The following PPP4R2 variants were observed in gnomAD, a reference collection of about 807,000 sequenced individuals.
PPP4R2 encodes serine/threonine-protein phosphatase 4 regulatory subunit 2.
PPP4R2 carries 13 observed loss-of-function variants against 47.2 expected under a neutral mutation model. That is an observed-to-expected ratio of 0.28 (90% CI 0.18 to 0.44). The LOEUF (loss-of-function observed/expected upper bound fraction) is 0.44. Ranked by LOEUF, PPP4R2 falls within the 20% of genes least tolerant of loss-of-function variation. The pLI, the probability that PPP4R2 is intolerant of heterozygous loss-of-function variation, is 1.00. For missense variants in PPP4R2, 421 were observed against 491.2 expected (o/e 0.86, Z 1.35); for synonymous variants, 151 against 163.3 (o/e 0.92, Z 0.57).
chr3:73,045,771 C>A (rs888445829), intron 2 of PPP4R2, among the ~76,000 whole-genome samples: 23 of 152,170 alleles, frequency 1.5e-4, no homozygotes, highest in African/African-American at 5.3e-4. Context: ...AGGTGATCCG[C>A]CTGCTGGGTT....
In PPP4R2 at chr3:72,996,903, T is replaced by G. The variant is rs1464489803; in HGVS notation, c.-135T>G. The G allele has an allele frequency of 1.8e-6, 1 of 540,576 alleles. No homozygotes were observed. The highest frequency in any genetic ancestry group is 2.0e-5 in the African/African-American group (1 of 50,702). The allele number at this position is 540,576 out of a possible 1,614,324, so 33.5% of individuals were successfully genotyped here. A position where few individuals can be genotyped will look rare whatever the true frequency, so the allele number is the denominator to read the frequency against. On this transcript the variant is annotated 5_prime_UTR_variant, in exon 1 of 9. Transcript: ENST00000356692. ...CGCACGCTTCCCCCGGCTCCCTTCG[T>G]TTCCCCCCCCCGGTCGCCTGCGTGC...
chr3:73,024,743 G>A (rs1386665060), intron 2 of PPP4R2, among the ~76,000 whole-genome samples: 2 of 151,382 alleles, frequency 1.3e-5, no homozygotes, highest in African/African-American at 4.9e-5. Flanking sequence ...TTAAGATTTA[G>A]TCCCAAAATA....
intron 5 of PPP4R2, chr3:73,062,462 A>G (rs183999378): frequency 6.2e-7 from 1 of 1,612,788 alleles, no homozygotes; most frequent in East Asian, 2.2e-5. Context: ...CAAGTTTAGT[A>G]TTCTTGTGTT....
In PPP4R2 at chr3:73,065,696, A is replaced by G; in HGVS notation, c.1228A>G (p.Thr410Ala). The G allele has an allele frequency of 6.2e-7, 1 of 1,606,546 alleles. No individual in the cohort carries two copies. The highest frequency in any genetic ancestry group is 8.5e-7 in the Non-Finnish European group (1 of 1,174,320). ...MENDDEATEV[T>A]DEPMEQD ...AAATGATGACGAAGCCACAGAAGTC[A>G]CCGATGAACCAATGGAACAAGACTA... Residue 410 changes from threonine to alanine, a missense_variant, in exon 9 of 9, where the codon ACC becomes GCC. Transcript: ENST00000356692.
At chr3:73,012,203 A>G (rs1045053355) in intron 2 of PPP4R2, among the ~76,000 whole-genome samples, 2 of 152,238 alleles carry the variant, frequency 1.3e-5, no homozygotes, top group African/African-American at 4.8e-5. Context: ...ACGTAATACA[A>G]TATAAATGAT....
intron 8 of PPP4R2, 110 bp downstream of exon 8, chr3:73,065,251 G>T: frequency 7.5e-7 from 1 of 1,325,264 alleles, no homozygotes; most frequent in Non-Finnish European, 1.0e-6. Flanking sequence ...TAATGCTGAT[G>T]TTGGGCTTTT....
intron 2 of PPP4R2, among the ~76,000 whole-genome samples, chr3:73,032,834 AT>A (rs1021724582): frequency 2.6e-5 from 4 of 152,088 alleles, no homozygotes; most frequent in South Asian, 4.1e-4. Context: ...TGTTAATGCT[AT>A]TTTTTTCATT....
chr3:73,035,184 G>C (rs1702239616), intron 2 of PPP4R2, among the ~76,000 whole-genome samples: 4 of 152,142 alleles, frequency 2.6e-5, no homozygotes. Context: ...GTAATCATCA[G>C]GAAAATGTAA....
At chr3:73,000,220 G>C (rs1701431058) in intron 2 of PPP4R2, among the ~76,000 whole-genome samples, 1 of 152,156 alleles carries the variant, frequency 6.6e-6, no homozygotes, top group Admixed American at 6.6e-5. Context: ...TATAGTCCCA[G>C]CTTCTCCAGA....
At position 73,065,460 on chromosome 3, in the gene PPP4R2, A is replaced by T. The variant is rs1312972036; in HGVS notation, c.992A>T (p.Asp331Val). 2 of 1,610,752 alleles carry T rather than the reference A, an allele frequency of 1.2e-6. No homozygotes were observed. The highest frequency in any genetic ancestry group is 2.7e-5 in the African/African-American group (2 of 74,812). ...AAAAATCAAGAAAAAGAATCTGATG[A>T]TGCCTTAACTGTGAATGAAGAGACT... ...ERKNQEKESDDALTVNEETSE... is the reference protein window; with the variant it reads ...ERKNQEKESDVALTVNEETSE... The change falls in exon 9 of 9, where the codon GAT (aspartate) becomes GTT (valine). Residue 331 changes from aspartate to valine, a missense_variant. Physicochemically the swap from Asp to Val is radical, Grantham distance 152. Transcript: ENST00000356692.
At chr3:73,050,545 C>G (rs1423245767) in intron 3 of PPP4R2, among the ~76,000 whole-genome samples, 1 of 151,998 alleles carries the variant, frequency 6.6e-6, no homozygotes, top group Non-Finnish European at 1.5e-5. Flanking sequence ...TTATACACTC[C>G]TCCCCCCATT....
chr3:73,042,738 G>T (rs1174697023), intron 2 of PPP4R2, among the ~76,000 whole-genome samples: 2 of 152,080 alleles, frequency 1.3e-5, no homozygotes, highest in Non-Finnish European at 2.9e-5. Context: ...TCAAAAAGCT[G>T]TATCTTTCAC....
At chr3:73,013,315 T>C (rs1215160232) in intron 2 of PPP4R2, among the ~76,000 whole-genome samples, 2 of 152,216 alleles carry the variant, frequency 1.3e-5, no homozygotes, top group African/African-American at 2.4e-5. Context: ...GCTTTTTCTA[T>C]TTACATCTTC....
chr3:73,009,569 A>G (rs1701681702), intron 2 of PPP4R2, among the ~76,000 whole-genome samples: 2 of 152,196 alleles, frequency 1.3e-5, no homozygotes, highest in African/African-American at 4.8e-5. Context: ...ATTACTGGAT[A>G]CCTGTCAAAA....
intron 2 of PPP4R2, among the ~76,000 whole-genome samples, chr3:73,033,602 C>T (rs1172405785): frequency 6.6e-6 from 1 of 152,206 alleles, no homozygotes; most frequent in Non-Finnish European, 1.5e-5. Context: ...AGTACATTCA[C>T]AGTGTTGTAG....
At chr3:73,026,661 A>G (rs58621239) in intron 2 of PPP4R2, among the ~76,000 whole-genome samples, 20,156 of 152,054 alleles carry the variant, frequency 0.13, 1,662 homozygotes, top group South Asian at 0.38. Flanking sequence ...GACCCAACAC[A>G]AATTCATAAA....
chr3:73,045,746 C>T (rs758784643), intron 2 of PPP4R2, among the ~76,000 whole-genome samples: 3 of 151,990 alleles, frequency 2.0e-5, no homozygotes, highest in African/African-American at 4.8e-5. Flanking sequence ...AGGCTGATCT[C>T]GAACTCCTGA....
intron 2 of PPP4R2, among the ~76,000 whole-genome samples, chr3:73,005,911 A>G (rs992269820): frequency 6.6e-6 from 1 of 151,692 alleles, no homozygotes; most frequent in Non-Finnish European, 1.5e-5. Context: ...ACAGGTTGCT[A>G]AGTTTTCATA....
At chr3:73,039,792 T>G (rs1575868949) in intron 2 of PPP4R2, among the ~76,000 whole-genome samples, 1 of 152,042 alleles carries the variant, frequency 6.6e-6, no homozygotes, top group Non-Finnish European at 1.5e-5. Flanking sequence ...GTGGCTCACG[T>G]CTGTAATCCC....
Sources: allele counts gnomAD v4.1 joint callset (sites outside exome capture counted in the v4.1 genomes callset), GRCh38; gene constraint gnomAD v4.1.1; transcripts MANE v1.5; gene names NCBI Gene and HGNC (gene_info 2026-07-23, HGNC 2026-07-21).